The following RNASEH1 variants were observed in gnomAD, a reference collection of about 807,000 sequenced individuals.
RNASEH1 encodes ribonuclease H1.
RNASEH1 carries 27 observed loss-of-function variants against 34.6 expected under a neutral mutation model. The ratio of observed to expected loss-of-function variants is 0.78; its 90% CI spans 0.58 to 1.08. The LOEUF (loss-of-function observed/expected upper bound fraction) is 1.08, where lower values mean the gene tolerates loss of function less well. Among genes scored for constraint, RNASEH1 ranks in the 50% least tolerant of loss-of-function variants. The pLI is 0.00. For missense variants in RNASEH1, 349 were observed against 373.6 expected (o/e 0.93, Z 0.54); for synonymous variants, 162 against 138.4 (o/e 1.17, Z -1.20).
chr2:3,548,697 T>G lies in RNASEH1; in HGVS notation c.592A>C (p.Lys198Gln), dbSNP rs748921908. Reference protein sequence around the residue: ...HAACKAIEQAKTQNINKLVLY... With the variant: ...HAACKAIEQAQTQNINKLVLY... ...ACCAGTTTATTGATGTTTTGAGTCTTTGCTTGTTCAATGGCTTTGCAGGCT... is the reference window on the plus strand; with the variant it reads ...ACCAGTTTATTGATGTTTTGAGTCTGTGCTTGTTCAATGGCTTTGCAGGCT... Residue 198 changes from lysine to glutamine, a missense_variant, in exon 6 of 8, where the codon AAG becomes CAG. By Grantham distance (53) the Lys-to-Gln change is moderately conservative. Around this residue, in one of 2 missense-constraint regions of RNASEH1, gnomAD observed 93 missense variants for 132.9 expected, o/e 0.70. Transcript: ENST00000315212. The G allele has an allele frequency of 2.5e-6, 4 of 1,613,382 alleles. No individual in the cohort carries two copies. Among genetic ancestry groups the G allele is most frequent in the Non-Finnish European group, 2.5e-6 (3 of 1,179,372 alleles).
Position 3,542,177 on chromosome 2 carries a change from A to C in RNASEH1, c.*3608T>G, listed in dbSNP as rs1668360561. On this transcript the variant is annotated 3_prime_UTR_variant, in exon 8 of 8. Transcript: ENST00000315212. ...CAAAGCAAGAAAAATGTAACACTAA[A>C]CTCCAGTTCAAGCAAATCTTCTTAA... 6.6e-6 allele frequency among the ~76,000 whole-genome samples: 1 copy of C among 152,164 alleles called. No homozygotes were observed. Among genetic ancestry groups the C allele is most frequent in the Non-Finnish European group, 1.5e-5 (1 of 68,038 alleles).
intron 2 of RNASEH1, among the ~76,000 whole-genome samples, chr2:3,553,567 T>C (rs1265402612): frequency 7.8e-6 from 1 of 128,142 alleles, no homozygotes; most frequent in African/African-American, 3.4e-5. Context: ...TTTTTTTGTA[T>C]TTTTAGTAGA....
chr2:3,545,780 A>G lies in RNASEH1; in HGVS notation c.*5T>C. 4.4e-6 allele frequency: 7 copies of G among 1,607,222 alleles called. No individual in the cohort carries two copies. The highest frequency in any genetic ancestry group is 6.0e-6 in the Non-Finnish European group (7 of 1,173,664). On this transcript the variant is annotated 3_prime_UTR_variant, in exon 8 of 8. Coordinates refer to ENST00000315212, the MANE Select transcript of RNASEH1 (RefSeq NM_002936.6). The stretch of plus-strand genomic sequence containing the variant: ...AAGTTCTCCCAAGGACTAAAGTCAC[A>G]TGGCTCAGTCTTCCGATTGTTTAGC...
chr2:3,535,277 A>C, the RNASEH1 span, among the ~76,000 whole-genome samples: 1 of 151,926 alleles, frequency 6.6e-6, no homozygotes, highest in Non-Finnish European at 1.5e-5. Context: ...AAAAAATTAA[A>C]AAGCCAGGCG....
rs559952104 is a variant in RNASEH1 at position 3,554,956 on chromosome 2, T to C, written c.244+1833A>G. On this transcript the variant is annotated intron_variant, in intron 2 of 7. Transcript: ENST00000315212. ...TTAACATCCCCATAGTGGTATCGTA[T>C]AGGCCGAGTGAACTATGGGAAGAAT... Among the ~76,000 whole-genome samples, 3 of 152,352 alleles carry C rather than the reference T, an allele frequency of 2.0e-5. No individual in the cohort carries two copies. In the East Asian group the frequency reaches 5.8e-4, roughly 29 times the overall value.
downstream of RNASEH1, among the ~76,000 whole-genome samples, chr2:3,539,294 C>T (rs187980986): frequency 3.0e-4 from 46 of 152,290 alleles, no homozygotes; most frequent in Non-Finnish European, 6.5e-4. Context: ...CAGCTGCGGG[C>T]AGAGACAGCG....
Position 3,550,475 on chromosome 2 carries a change from G to C in RNASEH1, c.410-3C>G, listed in dbSNP as rs779280822. The C allele has an allele frequency of 1.2e-6, 2 of 1,611,956 alleles. No homozygotes were observed. The highest frequency in any genetic ancestry group is 1.1e-5 in the South Asian group (1 of 91,040). On this transcript the variant is annotated splice_polypyrimidine_tract_variant and splice_region_variant and intron_variant, in intron 3 of 7. Coordinates refer to ENST00000315212, the MANE Select transcript of RNASEH1 (RefSeq NM_002936.6). ...AGTGTAGACGACGACGAAGTCTCCT[G>C]TGGGAAAAGGAAGTACATGCTGCTG...
In RNASEH1 at chr2:3,541,828, T is replaced by C. The variant is rs1210337761; in HGVS notation, c.*3957A>G. On this transcript the variant is annotated 3_prime_UTR_variant, in exon 8 of 8. Transcript: ENST00000315212. ...CTTCACGTATGTGCAGTTCATTACC[T>C]GTCAGTTACACCTCAACAGAGCTGT... Among the ~76,000 whole-genome samples, 1 of 152,196 alleles carries C rather than the reference T, an allele frequency of 6.6e-6. No homozygotes were observed. The highest frequency in any genetic ancestry group is 2.4e-5 in the African/African-American group (1 of 41,454).
chr2:3,556,565 G>C (rs1229614633), intron 2 of RNASEH1, among the ~76,000 whole-genome samples: 2 of 152,120 alleles, frequency 1.3e-5, no homozygotes, highest in Admixed American at 1.3e-4. Flanking sequence ...GGCATAAAAG[G>C]CTGAATGGAA....
the RNASEH1 span, among the ~76,000 whole-genome samples, chr2:3,535,428 TAA>T: frequency 2.1e-4 from 24 of 114,550 alleles, no homozygotes; most frequent in Admixed American, 2.9e-4. Flanking sequence ...CTATCCTGTC[TAA>T]AAAAAAAAAA....
the RNASEH1 span, among the ~76,000 whole-genome samples, chr2:3,535,215 C>T: frequency 1.3e-5 from 2 of 151,806 alleles, no homozygotes; most frequent in African/African-American, 4.8e-5. Flanking sequence ...ATCAGGAGTT[C>T]GAGACCAGCC....
intron 6 of RNASEH1, 126 bp from the exon 7 acceptor site, chr2:3,548,181 T>G: frequency 8.8e-7 from 1 of 1,139,738 alleles, no homozygotes; most frequent in Non-Finnish European, 1.3e-6. Flanking sequence ...CTTCACTTCC[T>G]TAGCTGGCCT....
the RNASEH1 span, chr2:3,533,947 C>A: frequency 6.6e-6 from 1 of 152,290 alleles, no homozygotes; most frequent in African/African-American, 2.4e-5. Context: ...GAAAACCAAG[C>A]TGCCAGTTCC....
chr2:3,558,321 G>C lies in RNASEH1; in HGVS notation c.-61C>G. On this transcript the variant is annotated 5_prime_UTR_variant, in exon 1 of 8. Transcript: ENST00000315212. ...CGGCCCAGCGTGGGCGCGAGCCGCC[G>C]GCGCTCAACACCGCACTTCCGTCAC... 1.4e-6 allele frequency: 2 copies of C among 1,464,924 alleles called. No homozygotes were observed. Among genetic ancestry groups the C allele is most frequent in the Non-Finnish European group, 9.0e-7 (1 of 1,111,160 alleles). 90.7% of individuals were successfully genotyped at this position (1,464,924 alleles called of 1,614,324 possible). A position where few individuals can be genotyped will look rare whatever the true frequency, so the allele number is the denominator to read the frequency against.
Position 3,548,629 on chromosome 2 carries a change from T to C in RNASEH1, c.649+11A>G. The C allele has an allele frequency of 6.5e-7, 1 of 1,546,514 alleles. No individual in the cohort carries two copies. Among genetic ancestry groups the C allele is most frequent in the Non-Finnish European group, 8.9e-7 (1 of 1,122,102 alleles). ...CTGGAAAAACAGAAGAAATCAAATGTGAAAGCTTACCATTTATCGTAAACA... is the reference window on the plus strand; with the variant it reads ...CTGGAAAAACAGAAGAAATCAAATGCGAAAGCTTACCATTTATCGTAAACA... On this transcript the variant is annotated intron_variant, in intron 6 of 7. Transcript: ENST00000315212.
chr2:3,554,619 A>G (rs550991214), intron 2 of RNASEH1, among the ~76,000 whole-genome samples: 5 of 152,250 alleles, frequency 3.3e-5, no homozygotes, highest in Admixed American at 1.3e-4. Context: ...GGAGGTCTCT[A>G]AAGTTTAAAG....
At chr2:3,535,992 A>C in the RNASEH1 span, among the ~76,000 whole-genome samples, 3 of 152,182 alleles carry the variant, frequency 2.0e-5, no homozygotes, top group South Asian at 2.1e-4. Flanking sequence ...GCCACGAGAG[A>C]GCCAGCACCA....
Position 3,541,837 on chromosome 2 carries a change from C to T in RNASEH1, c.*3948G>A, listed in dbSNP as rs1009659974. On this transcript the variant is annotated 3_prime_UTR_variant, in exon 8 of 8. Transcript: ENST00000315212. Reference sequence around the variant, plus strand: ...TGTGCAGTTCATTACCTGTCAGTTACACCTCAACAGAGCTGTTTTAAAAAG... The same window carrying T: ...TGTGCAGTTCATTACCTGTCAGTTATACCTCAACAGAGCTGTTTTAAAAAG... Among the ~76,000 whole-genome samples, 4 of 152,316 alleles carry T rather than the reference C, an allele frequency of 2.6e-5. No homozygotes were observed. The East Asian group carries it at 7.7e-4, about 29-fold the overall frequency.
chr2:3,553,247 C>CA (rs997242631), intron 2 of RNASEH1, among the ~76,000 whole-genome samples: 144 of 135,384 alleles, frequency 1.1e-3, no homozygotes, highest in Admixed American at 1.6e-3. Context: ...GACTCTGTCT[C>CA]AAAAAAAAAA....
Sources: allele counts gnomAD v4.1 joint callset (sites outside exome capture counted in the v4.1 genomes callset), GRCh38; gene constraint gnomAD v4.1.1; regional missense constraint gnomAD v4.1.1; transcripts MANE v1.5; gene names NCBI Gene and HGNC (gene_info 2026-07-23, HGNC 2026-07-21).